TBC1D8: variants seen among roughly 807,000 people sequenced by gnomAD.
TBC1D8 encodes the protein BUB2-like protein 1.
Under a neutral mutation model 118.8 loss-of-function variants are expected in TBC1D8, and 65 were observed. The observed-to-expected ratio is 0.55, with a 90% CI of 0.45 to 0.67. The LOEUF (loss-of-function observed/expected upper bound fraction) is 0.67, where lower values mean the gene tolerates loss of function less well. TBC1D8 is among the 30% of genes least tolerant of loss of function. The pLI is 0.00. For synonymous variants in TBC1D8, 566 were observed against 595.8 expected (o/e 0.95, Z 0.73); for missense variants, 1,376 against 1,471.2 (o/e 0.94, Z 1.06).
chr2:101,054,339 GAC>G lies in TBC1D8; in HGVS notation c.403-5_403-4del, dbSNP rs751056799. 3 of 1,556,104 alleles carry G rather than the reference GAC, an allele frequency of 1.9e-6. No individual in the cohort carries two copies. The highest frequency in any genetic ancestry group is 2.6e-6 in the Non-Finnish European group (3 of 1,149,362). ...CTGGTCTCCTCGGCTATCAGAGCCT[GAC>G]ACACAGAGATGACAGTCCCTGCTCA... On this transcript the variant is annotated splice_polypyrimidine_tract_variant and splice_region_variant and intron_variant, in intron 3 of 19. Transcript: ENST00000409318.
At chr2:101,033,844 C>G in intron 9 of TBC1D8, 86 bp from the exon 10 acceptor site, 1 of 1,422,840 alleles carries the variant, frequency 7.0e-7, no homozygotes, top group Non-Finnish European at 9.5e-7. Context: ...TCAGGGGACC[C>G]CAGTGGGGTC....
chr2:101,086,786 CT>C (rs1392545253), intron 2 of TBC1D8, among the ~76,000 whole-genome samples: 1 of 152,038 alleles, frequency 6.6e-6, no homozygotes, highest in African/African-American at 2.4e-5. Context: ...AAAAAAATTT[CT>C]TTTTTTCTTT....
chr2:101,117,516 C>T (rs985026663), intron 1 of TBC1D8, among the ~76,000 whole-genome samples: 1 of 150,064 alleles, frequency 6.7e-6, no homozygotes, highest in Non-Finnish European at 1.5e-5. Flanking sequence ...GCAGATTCAG[C>T]GGGGAGGCAC....
intron 17 of TBC1D8, chr2:101,017,918 G>A (rs1010019507): frequency 1.3e-6 from 2 of 1,550,628 alleles, no homozygotes; most frequent in African/African-American, 1.4e-5. Flanking sequence ...AACCGAACAA[G>A]AAGAGGAAAG....
intron 9 of TBC1D8, 70 bp downstream of exon 9, chr2:101,035,948 C>T (rs1300027731): frequency 6.4e-7 from 1 of 1,566,898 alleles, no homozygotes; most frequent in Non-Finnish European, 8.7e-7. Context: ...ACACGCGCTG[C>T]TCGGGTCCGG....
chr2:101,117,341 A>G (rs1018351070), intron 1 of TBC1D8, among the ~76,000 whole-genome samples: 2 of 152,190 alleles, frequency 1.3e-5, no homozygotes, highest in African/African-American at 4.8e-5. Flanking sequence ...AAATATACAA[A>G]GAGATGGCTC....
At chr2:101,012,625 C>CAAA (rs71378138) in intron 17 of TBC1D8, among the ~76,000 whole-genome samples, 94 of 135,204 alleles carry the variant, frequency 7.0e-4, no homozygotes, top group African/African-American at 2.3e-3. Flanking sequence ...TCTGAATATA[C>CAAA]AAAAAAAAAA....
chr2:101,115,855 C>A (rs1373257913), intron 1 of TBC1D8, among the ~76,000 whole-genome samples: 1 of 152,100 alleles, frequency 6.6e-6, no homozygotes, highest in Admixed American at 6.5e-5. Context: ...ACCACCAGGG[C>A]CCCAGACATC....
intron 2 of TBC1D8, among the ~76,000 whole-genome samples, chr2:101,080,053 A>C (rs1245596186): frequency 6.6e-6 from 1 of 152,094 alleles, no homozygotes; most frequent in African/African-American, 2.4e-5. Flanking sequence ...CTAGATCTAC[A>C]AGTTAGACTC....
chr2:101,131,964 T>C (rs1026786130), intron 1 of TBC1D8, among the ~76,000 whole-genome samples: 3 of 152,320 alleles, frequency 2.0e-5, no homozygotes, highest in East Asian at 3.9e-4. Context: ...ATATTTTACA[T>C]CTTGTTAACA....
chr2:101,075,268 C>T (rs957698331), intron 2 of TBC1D8, among the ~76,000 whole-genome samples: 13 of 151,858 alleles, frequency 8.6e-5, no homozygotes, highest in Admixed American at 2.0e-4. Flanking sequence ...CGTGGTGGCA[C>T]GCACCTGTAG....
intron 1 of TBC1D8, among the ~76,000 whole-genome samples, chr2:101,121,400 C>T (rs1678102954): frequency 6.6e-6 from 1 of 152,158 alleles, no homozygotes; most frequent in Non-Finnish European, 1.5e-5. Flanking sequence ...CAGTCCTATC[C>T]CCGGGGCTCA....
chr2:101,098,476 G>A (rs984697169), intron 1 of TBC1D8, among the ~76,000 whole-genome samples: 1 of 152,098 alleles, frequency 6.6e-6, no homozygotes, highest in African/African-American at 2.4e-5. Context: ...AATTAACAAG[G>A]ATATTCAGGA....
At chr2:101,027,995 C>T in intron 14 of TBC1D8, 53 bp downstream of exon 14, 1 of 1,546,504 alleles carries the variant, frequency 6.5e-7, no homozygotes, top group Non-Finnish European at 8.9e-7. Flanking sequence ...ATGCGCACTC[C>T]CAGGTTGGCT....
intron 2 of TBC1D8, among the ~76,000 whole-genome samples, chr2:101,059,799 C>T (rs1377131756): frequency 1.3e-5 from 2 of 152,116 alleles, no homozygotes; most frequent in Admixed American, 1.3e-4. Flanking sequence ...ATTAGCCGGG[C>T]GTGGTGGCGG....
At chr2:101,072,912 G>A (rs1204675583) in intron 2 of TBC1D8, among the ~76,000 whole-genome samples, 5 of 152,224 alleles carry the variant, frequency 3.3e-5, no homozygotes, top group Middle Eastern at 3.4e-3. Flanking sequence ...CACCTCCAAC[G>A]TTGGAGGTCA....
chr2:101,082,782 G>A (rs1169052203), intron 2 of TBC1D8, among the ~76,000 whole-genome samples: 1 of 152,134 alleles, frequency 6.6e-6, no homozygotes, highest in Admixed American at 6.5e-5. Context: ...GGAGAGGAGA[G>A]TGAGGAGTGA....
At chr2:101,147,084 C>T (rs867804972) in intron 1 of TBC1D8, among the ~76,000 whole-genome samples, 3 of 151,412 alleles carry the variant, frequency 2.0e-5, no homozygotes, top group African/African-American at 7.3e-5. Context: ...AGGCCGAGGC[C>T]GAGGCCGAGG....
rs574654569 is a variant in TBC1D8 at position 101,072,123 on chromosome 2, G to A, written c.284-12584C>T. ...GTCAATAAGCAGTAATACTTTGAAA[G>A]GTATCTTTTTTTCTGAGCATTAGGT... On this transcript the variant is annotated intron_variant, in intron 2 of 19. Coordinates refer to ENST00000409318, the MANE Select transcript of TBC1D8 (RefSeq NM_001330348.2). Among the ~76,000 whole-genome samples the A allele has an allele frequency of 4.6e-5, 7 of 152,284 alleles. No individual in the cohort carries two copies. In the East Asian group the frequency reaches 1.2e-3, roughly 25 times the overall value.
Sources: gnomAD v4.1 joint callset for allele counts (sites outside exome capture counted in the v4.1 genomes callset) on GRCh38, gnomAD v4.1.1 for gene constraint, MANE v1.5 for transcripts, NCBI Gene and HGNC (gene_info 2026-07-23, HGNC 2026-07-21) for gene names.